The following SNTG2 variants were observed in gnomAD, a reference collection of about 807,000 sequenced individuals.
SNTG2 encodes the protein gamma-2-syntrophin.
A neutral mutation model predicts 70.9 loss-of-function variants in SNTG2; 74 were observed. That is an observed-to-expected ratio of 1.04 (90% confidence interval 0.86 to 1.27). The LOEUF (loss-of-function observed/expected upper bound fraction) is 1.27. SNTG2 is among the 50% of genes most tolerant of loss of function. The pLI is 0.00. For missense variants in SNTG2, 717 were observed against 690.7 expected, an observed-to-expected ratio of 1.04 and a Z score of -0.43; for synonymous variants, 278 against 273.8, an observed-to-expected ratio of 1.02 and a Z score of -0.15.
intron 2 of SNTG2, among the ~76,000 whole-genome samples, chr2:1,095,598 T>C (rs1436178614): frequency 2.0e-5 from 3 of 152,178 alleles, no homozygotes; most frequent in Non-Finnish European, 4.4e-5. Context: ...CTTTGAAATA[T>C]CAAGGATATT....
At chr2:1,313,075 T>C (rs1021977227) in intron 15 of SNTG2, among the ~76,000 whole-genome samples, 3 of 152,166 alleles carry the variant, frequency 2.0e-5, no homozygotes, top group African/African-American at 7.2e-5. Flanking sequence ...TCTTCCATGA[T>C]CGGTGTGTTA....
At chr2:1,363,313 C>T (rs959358440) in intron 16 of SNTG2, among the ~76,000 whole-genome samples, 20 of 152,220 alleles carry the variant, frequency 1.3e-4, no homozygotes, top group Non-Finnish European at 2.5e-4. Context: ...TTCAAAACAA[C>T]TTCTGTAACC....
At chr2:971,867 T>G (rs1660754224) in intron 1 of SNTG2, among the ~76,000 whole-genome samples, 1 of 152,156 alleles carries the variant, frequency 6.6e-6, no homozygotes, top group Admixed American at 6.5e-5. Flanking sequence ...ATCTTTGTTC[T>G]CATTAGTTTC....
chr2:1,182,763 G>A (rs910917287), intron 8 of SNTG2, among the ~76,000 whole-genome samples: 1 of 152,098 alleles, frequency 6.6e-6, no homozygotes, highest in African/African-American at 2.4e-5. Flanking sequence ...TTGTTTGTTT[G>A]CTTGTTTGAG....
chr2:1,230,912 C>G (rs1207851449), intron 9 of SNTG2, among the ~76,000 whole-genome samples: 3 of 152,016 alleles, frequency 2.0e-5, no homozygotes, highest in Non-Finnish European at 4.4e-5. Flanking sequence ...CGTAGGGTCA[C>G]TGCGAGGGTG....
At chr2:995,822 C>T (rs1190082594) in intron 1 of SNTG2, among the ~76,000 whole-genome samples, 2 of 152,120 alleles carry the variant, frequency 1.3e-5, no homozygotes, top group African/African-American at 2.4e-5. Context: ...TTATTACTTC[C>T]TTCCTCTCTA....
At chr2:1,337,126 C>A (rs753543189) in intron 16 of SNTG2, among the ~76,000 whole-genome samples, 1 of 152,184 alleles carries the variant, frequency 6.6e-6, no homozygotes, top group Non-Finnish European at 1.5e-5. Flanking sequence ...CATTCTTTGG[C>A]TCTTGTGAAT....
chr2:1,073,352 G>A (rs958134877), intron 1 of SNTG2, among the ~76,000 whole-genome samples: 10 of 152,308 alleles, frequency 6.6e-5, no homozygotes, highest in East Asian at 1.9e-4. Flanking sequence ...ATCTTGATCC[G>A]TCAGCCTACA....
chr2:1,367,349 G>A lies in SNTG2; in HGVS notation c.1495G>A (p.Glu499Lys), dbSNP rs747418212. 24 of 1,533,074 alleles carry A rather than the reference G, an allele frequency of 1.6e-5. No homozygotes were observed. Among genetic ancestry groups the A allele is most frequent in the Middle Eastern group, 1.7e-4 (1 of 5,902 alleles). The allele number at this position is 1,533,074 out of a possible 1,614,324, so 95.0% of individuals were successfully genotyped here. ...DTKQIETKEL[E>K]FQDLRAVLHC... is the part of the protein sequence containing the mutation. The stretch of plus-strand genomic sequence containing the variant: ...ATCTGATTTTCTCCTCCAGGAACTC[G>A]AGTTCCAGGACCTGAGGGCTGTCCT... Residue 499 changes from glutamate (E) to lysine (K), a missense_variant, in exon 17 of 17, where the codon GAG becomes AAG. Glu to Lys is a moderately conservative substitution (Grantham distance 56, BLOSUM62 1). Transcript: ENST00000308624.
intron 2 of SNTG2, among the ~76,000 whole-genome samples, chr2:1,095,655 T>C (rs1665343830): frequency 6.6e-6 from 1 of 152,224 alleles, no homozygotes; most frequent in Non-Finnish European, 1.5e-5. Context: ...GTGAGTCAAA[T>C]GACAGTTTTA....
At chr2:1,269,142 G>A (rs1678893185) in intron 14 of SNTG2, among the ~76,000 whole-genome samples, 1 of 152,148 alleles carries the variant, frequency 6.6e-6, no homozygotes, top group Admixed American at 6.5e-5. Context: ...GTTTATTTAG[G>A]ATTCCTAAAA....
chr2:1,070,636 C>T (rs1180616819), intron 1 of SNTG2, among the ~76,000 whole-genome samples: 1 of 152,200 alleles, frequency 6.6e-6, no homozygotes, highest in African/African-American at 2.4e-5. Context: ...ATTCAAGTTT[C>T]TCTAATGCCA....
At chr2:1,354,777 G>A (rs1311689522) in intron 16 of SNTG2, among the ~76,000 whole-genome samples, 1 of 152,188 alleles carries the variant, frequency 6.6e-6, no homozygotes, top group Non-Finnish European at 1.5e-5. Flanking sequence ...GTTTCCACCT[G>A]AAGGGTGTCG....
chr2:1,294,734 TATG>T (rs1416653019), intron 14 of SNTG2, among the ~76,000 whole-genome samples: 1 of 152,218 alleles, frequency 6.6e-6, no homozygotes, highest in Non-Finnish European at 1.5e-5. Flanking sequence ...GATATTAACA[TATG>T]ATGAGAAATT....
chr2:1,007,661 A>G (rs909056644), intron 1 of SNTG2, among the ~76,000 whole-genome samples: 1 of 152,212 alleles, frequency 6.6e-6, no homozygotes, highest in Non-Finnish European at 1.5e-5. Flanking sequence ...ATGATGTACT[A>G]TATGGGAGAG....
chr2:1,032,124 A>T (rs1229863841), intron 1 of SNTG2, among the ~76,000 whole-genome samples: 3 of 152,226 alleles, frequency 2.0e-5, no homozygotes, highest in Admixed American at 2.0e-4. Flanking sequence ...ATGAAGCGTC[A>T]TCAACACCAA....
chr2:1,212,131 G>A (rs1429112032), intron 9 of SNTG2, among the ~76,000 whole-genome samples: 1 of 152,180 alleles, frequency 6.6e-6, no homozygotes, highest in Non-Finnish European at 1.5e-5. Context: ...AGTGTTGGAG[G>A]TGGGGCCTGG....
intron 13 of SNTG2, among the ~76,000 whole-genome samples, chr2:1,266,182 A>C (rs1678720499): frequency 6.6e-6 from 1 of 152,068 alleles, no homozygotes; most frequent in South Asian, 2.1e-4. Flanking sequence ...AGACAGAGAG[A>C]GAGAGAGAGA....
chr2:981,512 GCACT>G (rs1661094235), intron 1 of SNTG2, among the ~76,000 whole-genome samples: 1 of 151,706 alleles, frequency 6.6e-6, no homozygotes, highest in African/African-American at 2.4e-5. Flanking sequence ...ACACATGCAA[GCACT>G]CACACATGTT....
Sources: allele counts gnomAD v4.1 joint callset (sites outside exome capture counted in the v4.1 genomes callset), GRCh38; gene constraint gnomAD v4.1.1; transcripts MANE v1.5; gene names NCBI Gene and HGNC (gene_info 2026-07-23, HGNC 2026-07-21).